The following LEPR variants were observed in gnomAD, a reference collection of about 807,000 sequenced individuals.
LEPR encodes OB receptor.
LEPR carries 56 observed loss-of-function variants against 114.7 expected under a neutral mutation model. That is an observed-to-expected ratio of 0.49 (90% CI 0.39 to 0.61). The LOEUF (loss-of-function observed/expected upper bound fraction) is 0.61. LEPR is among the 20% of genes least tolerant of loss of function. The probability of loss-of-function intolerance (pLI) is 0.00; values close to 1 mark genes in which losing one functional copy is unlikely to be tolerated. For missense variants in LEPR, 1,202 were observed against 1,352.9 expected (o/e 0.89, Z 1.75); for synonymous variants, 443 against 461.4 (o/e 0.96, Z 0.51).
chr1:65,426,076 A>G (rs916679445), intron 2 of LEPR, among the ~76,000 whole-genome samples: 1 of 152,180 alleles, frequency 6.6e-6, no homozygotes, highest in African/African-American at 2.4e-5. Flanking sequence ...GGTACAAAAG[A>G]TGAAGAGCAC....
chr1:65,569,496 C>A (rs1351135921), intron 3 of LEPR, among the ~76,000 whole-genome samples: 1 of 152,072 alleles, frequency 6.6e-6, no homozygotes, highest in Non-Finnish European at 1.5e-5. Flanking sequence ...CACCTGAGGT[C>A]AGGAGTTCGA....
chr1:65,596,720 C>T (rs1656089796), intron 7 of LEPR, 127 bp downstream of exon 7: 2 of 817,230 alleles, frequency 2.4e-6, no homozygotes, highest in South Asian at 3.5e-5. Context: ...AATTATAATT[C>T]AACATTTCAT....
At chr1:65,422,154 A>G (rs907405289) in intron 1 of LEPR, among the ~76,000 whole-genome samples, 1 of 152,232 alleles carries the variant, frequency 6.6e-6, no homozygotes, top group Non-Finnish European at 1.5e-5. Context: ...TGGAAGTAGT[A>G]TCTTTGCAGA....
At chr1:65,508,758 C>T (rs115788005) in intron 2 of LEPR, among the ~76,000 whole-genome samples, 1,815 of 152,166 alleles carry the variant, frequency 0.012, 29 homozygotes, top group African/African-American at 0.041. Flanking sequence ...ATTGCAATGA[C>T]TCTGTAGATT....
At chr1:65,456,205 C>T (rs1487087886) in intron 2 of LEPR, among the ~76,000 whole-genome samples, 2 of 152,038 alleles carry the variant, frequency 1.3e-5, no homozygotes, top group South Asian at 2.1e-4. Context: ...TGAGATGAAC[C>T]TGGTACCTCA....
chr1:65,593,456 A>C (rs1239807493), intron 6 of LEPR, among the ~76,000 whole-genome samples: 2 of 152,140 alleles, frequency 1.3e-5, no homozygotes, highest in African/African-American at 4.8e-5. Context: ...TACAATTACA[A>C]ATGTGAATAA....
At chr1:65,524,815 C>G (rs565070039) in intron 2 of LEPR, among the ~76,000 whole-genome samples, 10 of 152,300 alleles carry the variant, frequency 6.6e-5, no homozygotes, top group Admixed American at 6.5e-4. Context: ...CCTCCCACCC[C>G]TAACTCTAAA....
chr1:65,599,501 A>T (rs1319374490), intron 8 of LEPR, among the ~76,000 whole-genome samples: 1 of 152,204 alleles, frequency 6.6e-6, no homozygotes, highest in African/African-American at 2.4e-5. Flanking sequence ...ATATCAATCC[A>T]TTTAACAAGT....
intron 19 of LEPR, among the ~76,000 whole-genome samples, chr1:65,628,963 G>A (rs1461119657): frequency 2.6e-5 from 4 of 152,032 alleles, no homozygotes; most frequent in East Asian, 3.8e-4. Context: ...TTAGTTAACT[G>A]TCTGACTTTT....
chr1:65,485,611 A>ACTCT (rs149629398), intron 2 of LEPR, among the ~76,000 whole-genome samples: 1 of 149,990 alleles, frequency 6.7e-6, no homozygotes, highest in Non-Finnish European at 1.5e-5. Context: ...AGACACACAA[A>ACTCT]CTCTCTCTCT....
At chr1:65,622,781 C>G (rs1035034990) in intron 18 of LEPR, 125 bp from the exon 19 acceptor site, 2 of 907,130 alleles carry the variant, frequency 2.2e-6, no homozygotes, top group African/African-American at 3.3e-5. Flanking sequence ...TGTGAAAATG[C>G]ATCTGACCCT....
chr1:65,483,361 A>G (rs1647315512), intron 2 of LEPR, among the ~76,000 whole-genome samples: 1 of 152,180 alleles, frequency 6.6e-6, no homozygotes, highest in South Asian at 2.1e-4. Flanking sequence ...TTTCCTACCT[A>G]TCAGATTGGA....
At chr1:65,608,152 GTT>G (rs11417022) in intron 11 of LEPR, among the ~76,000 whole-genome samples, 5 of 139,542 alleles carry the variant, frequency 3.6e-5, no homozygotes, top group African/African-American at 7.9e-5. Flanking sequence ...CAGTCCATGG[GTT>G]TTTTTTTTTT....
intron 5 of LEPR, among the ~76,000 whole-genome samples, chr1:65,578,770 G>A (rs566297334): frequency 7.8e-4 from 118 of 152,222 alleles, no homozygotes; most frequent in African/African-American, 2.8e-3. Context: ...AGATTGAGAA[G>A]AAATTAGTTA....
chr1:65,623,030 A>C, intron 19 of LEPR, 49 bp downstream of exon 19: 1 of 1,558,362 alleles, frequency 6.4e-7, no homozygotes, highest in East Asian at 2.3e-5. Flanking sequence ...ATTGCAATCT[A>C]GACGCCATAT....
intron 10 of LEPR, 37 bp from the exon 11 acceptor site, chr1:65,605,001 A>C: frequency 1.9e-6 from 3 of 1,603,478 alleles, no homozygotes; most frequent in Non-Finnish European, 2.5e-6. Context: ...TGCTTTTATT[A>C]ATGTATACTA....
At chr1:65,478,800 A>T (rs1647185835) in intron 2 of LEPR, among the ~76,000 whole-genome samples, 1 of 152,232 alleles carries the variant, frequency 6.6e-6, no homozygotes. Flanking sequence ...TGAGAAAAGT[A>T]GTCAACCACC....
At chr1:65,517,099 T>C (rs746551289) in intron 2 of LEPR, among the ~76,000 whole-genome samples, 1 of 152,244 alleles carries the variant, frequency 6.6e-6, no homozygotes, top group Non-Finnish European at 1.5e-5. Context: ...TCTACCAGTT[T>C]GTTCCAGACT....
intron 3 of LEPR, 136 bp from the exon 4 acceptor site, chr1:65,570,337 T>G (rs1181389069): frequency 1.3e-5 from 10 of 779,656 alleles, no homozygotes; most frequent in Non-Finnish European, 1.0e-5. Flanking sequence ...CACAAAGTTA[T>G]TCATTAGACA....
Sources: allele counts gnomAD v4.1 joint callset (sites outside exome capture counted in the v4.1 genomes callset), GRCh38; gene constraint gnomAD v4.1.1; transcripts MANE v1.5; gene names NCBI Gene and HGNC (gene_info 2026-07-23, HGNC 2026-07-21).